LMAN2L: variants seen among roughly 807,000 people sequenced by gnomAD.
The protein encoded by LMAN2L is VIP36-like protein.
LMAN2L carries 30 observed loss-of-function variants against 44.3 expected under a neutral mutation model. The ratio of observed to expected loss-of-function variants is 0.68; its 90% confidence interval spans 0.51 to 0.92. The LOEUF (loss-of-function observed/expected upper bound fraction) is 0.92, where lower values mean the gene tolerates loss of function less well. Among genes scored for constraint, LMAN2L ranks in the 40% least tolerant of loss-of-function variants. The pLI is 0.00. For missense variants in LMAN2L, 429 were observed against 446.1 expected (o/e 0.96, Z 0.35); for synonymous variants, 183 against 171.1 (o/e 1.07, Z -0.54).
At chr2:96,723,051 A>T in intron 4 of LMAN2L, among the ~76,000 whole-genome samples, 1 of 151,688 alleles carries the variant, frequency 6.6e-6, no homozygotes. Flanking sequence ...AGATGTTTTC[A>T]TTTCTCTTAG....
At chr2:96,736,522 C>G (rs1208970613) in intron 2 of LMAN2L, among the ~76,000 whole-genome samples, 1 of 152,176 alleles carries the variant, frequency 6.6e-6, no homozygotes, top group African/African-American at 2.4e-5. Context: ...AAGACAGCAG[C>G]AGAGTATCAA....
intron 4 of LMAN2L, among the ~76,000 whole-genome samples, chr2:96,716,671 T>C (rs1334746389): frequency 6.6e-6 from 1 of 152,214 alleles, no homozygotes; most frequent in East Asian, 1.9e-4. Flanking sequence ...CTCACAATCC[T>C]ATGAGGTAGT....
chr2:96,707,701 C>G lies in LMAN2L; in HGVS notation c.904+13G>C. The G allele has an allele frequency of 6.2e-7, 1 of 1,613,746 alleles. No homozygotes were observed. On this transcript the variant is annotated intron_variant, in intron 7 of 7. Coordinates refer to ENST00000264963, the MANE Select transcript of LMAN2L (RefSeq NM_030805.4). ...CAACTATGGGACCATTTCCCGCGGG[C>G]CCCTGTGCTCACTCTCAGGCAGCTT...
At chr2:96,739,533 T>C (rs2078589782) in intron 1 of LMAN2L, among the ~76,000 whole-genome samples, 1 of 152,172 alleles carries the variant, frequency 6.6e-6, no homozygotes, top group Non-Finnish European at 1.5e-5. Context: ...GACTGGCTCA[T>C]TGCTAGTAGC....
At chr2:96,713,248 G>T (rs2077967463) in intron 4 of LMAN2L, 1 of 884,014 alleles carries the variant, frequency 1.1e-6, no homozygotes, top group South Asian at 1.6e-5. Flanking sequence ...TGTGATGGAT[G>T]AACAAACCAA....
chr2:96,724,430 C>A (rs2078224723), intron 4 of LMAN2L, among the ~76,000 whole-genome samples: 1 of 152,196 alleles, frequency 6.6e-6, no homozygotes, highest in South Asian at 2.1e-4. Context: ...CTTAACAATA[C>A]CAAGTCTTCC....
intron 1 of LMAN2L, among the ~76,000 whole-genome samples, chr2:96,738,398 G>A (rs1574034135): frequency 6.6e-6 from 1 of 152,130 alleles, no homozygotes; most frequent in African/African-American, 2.4e-5. Flanking sequence ...AGTTTGACAG[G>A]CCAGGTGCAG....
chr2:96,719,978 C>T (rs990820120), intron 4 of LMAN2L, among the ~76,000 whole-genome samples: 2 of 152,044 alleles, frequency 1.3e-5, no homozygotes, highest in African/African-American at 4.8e-5. Context: ...AGTGAGCTAT[C>T]ACTGTGCCAC....
At position 96,707,232 on chromosome 2, in the gene LMAN2L, CA is replaced by C. The variant is rs1189783406; in HGVS notation, c.*23del. On this transcript the variant is annotated 3_prime_UTR_variant, in exon 8 of 8. Transcript: ENST00000264963. ...TTCCATACCTCATGGGTGACAGTCA[CA>C]AAAGTGGTGGCAGCAGGAGGGCTCA... 1 of 1,611,430 alleles carries C rather than the reference CA, an allele frequency of 6.2e-7. No homozygotes were observed.
intron 4 of LMAN2L, among the ~76,000 whole-genome samples, chr2:96,730,927 C>A (rs2078381733): frequency 6.6e-6 from 1 of 152,172 alleles, no homozygotes; most frequent in Admixed American, 6.5e-5. Flanking sequence ...CCCGCCTTGG[C>A]CTCCCAAAGT....
intron 4 of LMAN2L, among the ~76,000 whole-genome samples, chr2:96,732,067 G>A (rs1224069942): frequency 1.3e-5 from 2 of 152,042 alleles, no homozygotes; most frequent in South Asian, 4.2e-4. Flanking sequence ...TGGCCAGGCT[G>A]GTCTCAAACT....
intron 4 of LMAN2L, chr2:96,713,146 G>C (rs1453437886): frequency 9.7e-6 from 15 of 1,551,024 alleles, no homozygotes; most frequent in Non-Finnish European, 1.3e-5. Context: ...GGGCCTGAGA[G>C]GGTCCAGCAG....
chr2:96,734,709 C>A (rs2078478452), intron 2 of LMAN2L, 183 bp from the exon 3 acceptor site: 1 of 586,192 alleles, frequency 1.7e-6, no homozygotes, highest in Admixed American at 3.0e-5. Context: ...AACCATTCAA[C>A]TGTTTAGAGA....
chr2:96,730,139 C>G (rs2078362320), intron 4 of LMAN2L, among the ~76,000 whole-genome samples: 1 of 152,040 alleles, frequency 6.6e-6, no homozygotes, highest in South Asian at 2.1e-4. Context: ...CTTTCTCAAA[C>G]CAGAATTACT....
At chr2:96,722,257 C>T (rs868859037) in intron 4 of LMAN2L, among the ~76,000 whole-genome samples, 4 of 152,066 alleles carry the variant, frequency 2.6e-5, no homozygotes, top group Non-Finnish European at 4.4e-5. Context: ...CGTGAGCCAC[C>T]GCACCCGGCC....
intron 4 of LMAN2L, among the ~76,000 whole-genome samples, chr2:96,731,016 T>C (rs1008099140): frequency 6.6e-6 from 1 of 152,024 alleles, no homozygotes; most frequent in African/African-American, 2.4e-5. Flanking sequence ...CTTTTTTCCC[T>C]CTGCATGGGA....
chr2:96,734,635 A>C, intron 2 of LMAN2L, 109 bp from the exon 3 acceptor site: 1 of 718,920 alleles, frequency 1.4e-6, no homozygotes, highest in Non-Finnish European at 2.5e-6. Context: ...GTAACACTAG[A>C]CTAAGGGTTA....
At chr2:96,730,401 C>T (rs1463810777) in intron 4 of LMAN2L, among the ~76,000 whole-genome samples, 1 of 152,132 alleles carries the variant, frequency 6.6e-6, no homozygotes, top group African/African-American at 2.4e-5. Flanking sequence ...TCCTTCAGAA[C>T]TTGGCCCCAA....
Position 96,707,174 on chromosome 2 carries a change from T to C in LMAN2L, c.*82A>G. ...CCAGCTGCTAGAGACAAGAACACTCTCCAGGCTGCATGCTCAGGCCAGTGC... is the reference window on the plus strand; with the variant it reads ...CCAGCTGCTAGAGACAAGAACACTCCCCAGGCTGCATGCTCAGGCCAGTGC... On this transcript the variant is annotated 3_prime_UTR_variant, in exon 8 of 8. Transcript: ENST00000264963. The C allele has an allele frequency of 7.3e-7, 1 of 1,375,526 alleles. No individual in the cohort carries two copies. Among genetic ancestry groups the C allele is most frequent in the Non-Finnish European group, 1.0e-6 (1 of 990,328 alleles). 85.2% of individuals were successfully genotyped at this position (1,375,526 alleles called of 1,614,324 possible).
Sources: gnomAD v4.1 joint callset for allele counts (sites outside exome capture counted in the v4.1 genomes callset) on GRCh38, gnomAD v4.1.1 for gene constraint, MANE v1.5 for transcripts, NCBI Gene and HGNC (gene_info 2026-07-23, HGNC 2026-07-21) for gene names.